WT1: variants seen among roughly 807,000 people sequenced by gnomAD.
WT1 encodes the protein WT1 transcription factor, also known as Wilms tumor protein.
Under a neutral mutation model 60.8 loss-of-function variants are expected in WT1, and 8 were observed. That is an observed-to-expected ratio of 0.13 (90% CI 0.08 to 0.24). WT1 has a LOEUF of 0.24. Ranked by LOEUF, WT1 falls within the 10% of genes least tolerant of loss-of-function variation. WT1 has a pLI of 1.00. For synonymous variants in WT1, 312 were observed against 297.1 expected (o/e 1.05, Z -0.52); for missense variants, 568 against 711.8 (o/e 0.80, Z 2.30).
chr11:32,412,096 T>A (rs1249989739), intron 5 of WT1, among the ~76,000 whole-genome samples: 1 of 152,098 alleles, frequency 6.6e-6, no homozygotes, highest in Non-Finnish European at 1.5e-5. Flanking sequence ...TACCTTATGT[T>A]CACGAGCCCG....
At chr11:32,391,879 A>T in intron 9 of WT1, 93 bp downstream of exon 9, 1 of 1,309,976 alleles carries the variant, frequency 7.6e-7, no homozygotes, top group Non-Finnish European at 1.1e-6. Flanking sequence ...TAGAACTTTT[A>T]CACTAGTCTT....
chr11:32,413,374 G>A (rs144367141), intron 5 of WT1, among the ~76,000 whole-genome samples: 2 of 152,262 alleles, frequency 1.3e-5, no homozygotes, highest in Non-Finnish European at 2.9e-5. Flanking sequence ...TTTCTCAAAT[G>A]TATTCTCCAT....
chr11:32,403,246 A>G (rs546655628), intron 5 of WT1, among the ~76,000 whole-genome samples: 2 of 152,312 alleles, frequency 1.3e-5, no homozygotes, highest in African/African-American at 2.4e-5. Context: ...GAAACCTGCA[A>G]TTCAACACTT....
chr11:32,389,306 T>C lies in WT1; in HGVS notation c.1448-127A>G, dbSNP rs920847321. ...ATTTCCCATCATTCTGTCCCTGAGC[T>C]AACCAACTGAGCTCATTTCCCAGGC... On this transcript the variant is annotated intron_variant, in intron 9 of 9. Coordinates refer to ENST00000452863, the MANE Select transcript of WT1 (RefSeq NM_024426.6). 6 of 1,506,510 alleles carry C rather than the reference T, an allele frequency of 4.0e-6. No homozygotes were observed. In the Admixed American group the frequency reaches 8.8e-5, roughly 22 times the overall value. 93.3% of individuals were successfully genotyped at this position (1,506,510 alleles called of 1,614,324 possible).
chr11:32,419,816 C>A (rs868236723), intron 3 of WT1, among the ~76,000 whole-genome samples: 1 of 152,256 alleles, frequency 6.6e-6, no homozygotes, highest in Non-Finnish European at 1.5e-5. Flanking sequence ...GCCTCAGCCA[C>A]CCAAGTAGCT....
At chr11:32,427,513 G>A (rs1853094542) in intron 3 of WT1, among the ~76,000 whole-genome samples, 1 of 152,210 alleles carries the variant, frequency 6.6e-6, no homozygotes, top group Non-Finnish European at 1.5e-5. Context: ...AACCCTGGAG[G>A]GTTGAGGTGG....
At position 32,413,695 on chromosome 11, in the gene WT1, T is replaced by C. The variant is rs191321510; in HGVS notation, c.1016+2795A>G. ...AGAGAAAAAGTCAGCATGCAGAGCA[T>C]GTCATAAGAGTATTGCTCAGTGAAA... On this transcript the variant is annotated intron_variant, in intron 5 of 9. Coordinates refer to ENST00000452863, the MANE Select transcript of WT1 (RefSeq NM_024426.6). Among the ~76,000 whole-genome samples, 3 of 152,366 alleles carry C rather than the reference T, an allele frequency of 2.0e-5. No homozygotes were observed. The East Asian group carries it at 5.8e-4, about 29-fold the overall frequency.
At chr11:32,417,262 G>A (rs1293736383) in intron 4 of WT1, among the ~76,000 whole-genome samples, 3 of 152,202 alleles carry the variant, frequency 2.0e-5, no homozygotes, top group Non-Finnish European at 2.9e-5. Flanking sequence ...GTTAACAACT[G>A]TGATATCATA....
At chr11:32,401,031 G>A (rs1028041259) in intron 5 of WT1, among the ~76,000 whole-genome samples, 7 of 152,184 alleles carry the variant, frequency 4.6e-5, no homozygotes, top group Non-Finnish European at 7.3e-5. Context: ...GAAAACAGAC[G>A]TCCACACAAA....
chr11:32,399,799 G>C (rs1009739609), intron 6 of WT1, 149 bp downstream of exon 6: 2 of 845,292 alleles, frequency 2.4e-6, no homozygotes, highest in Non-Finnish European at 3.8e-6. Context: ...CAGACCCAGG[G>C]GACGAGCAGG....
At chr11:32,400,375 C>T in intron 5 of WT1, 1 of 418,214 alleles carries the variant, frequency 2.4e-6, no homozygotes, top group South Asian at 2.1e-5. Flanking sequence ...GACGGCAGGG[C>T]TGACAGCTGC....
At chr11:32,430,647 C>A in intron 1 of WT1, 1 of 1,505,656 alleles carries the variant, frequency 6.6e-7, no homozygotes, top group South Asian at 1.3e-5. Context: ...GTCGCGGCAC[C>A]CACTCTCGAG....
At chr11:32,397,482 A>ATT (rs34861119) in intron 6 of WT1, among the ~76,000 whole-genome samples, 15,167 of 139,632 alleles carry the variant, frequency 0.11, 962 homozygotes, top group African/African-American at 0.18. Flanking sequence ...TGCCCAGCTA[A>ATT]TTTTTTTTTT....
chr11:32,394,178 C>A (rs777021817), intron 7 of WT1, among the ~76,000 whole-genome samples: 31 of 152,324 alleles, frequency 2.0e-4, no homozygotes, highest in Non-Finnish European at 3.7e-4. Context: ...CAGGTGTGAG[C>A]CACTGCACCT....
At chr11:32,394,668 G>A (rs1243553719) in intron 7 of WT1, among the ~76,000 whole-genome samples, 1 of 152,160 alleles carries the variant, frequency 6.6e-6, no homozygotes, top group African/African-American at 2.4e-5. Context: ...TAATATAACA[G>A]TCTGTACTGT....
At chr11:32,389,275 C>T (rs1262955574) in intron 9 of WT1, 96 bp from the exon 10 acceptor site, 1 of 1,598,648 alleles carries the variant, frequency 6.3e-7, no homozygotes, top group African/African-American at 1.3e-5. Flanking sequence ...AAGGCACCCA[C>T]TCTGAATTTC....
rs2132920278 is a variant in WT1 at position 32,392,700 on chromosome 11, T to C, written c.1320A>G (p.Ser440=). 3.1e-6 allele frequency: 5 copies of C among 1,614,142 alleles called. No homozygotes were observed. Among genetic ancestry groups the C allele is most frequent in the Non-Finnish European group, 4.2e-6 (5 of 1,179,966 alleles). The change falls in exon 8 of 10, where the codon TCA becomes TCG. Residue 440 remains serine (S), a synonymous_variant. Transcript: ENST00000452863. Reference sequence around the variant, plus strand: ...TCCTTTGGTGTCTTTTGAGCTGGTCTGAACGAGAAAACCTTCGTTCACAGT... The same window carrying C: ...TCCTTTGGTGTCTTTTGAGCTGGTCCGAACGAGAAAACCTTCGTTCACAGT...
chr11:32,429,388 A>G (rs945752743), intron 1 of WT1, among the ~76,000 whole-genome samples: 5 of 147,654 alleles, frequency 3.4e-5, no homozygotes, highest in Non-Finnish European at 7.4e-5. Flanking sequence ...TGTGCCTGAC[A>G]CTGTATCTCC....
At chr11:32,423,405 C>T (rs866366193) in intron 3 of WT1, among the ~76,000 whole-genome samples, 6 of 152,236 alleles carry the variant, frequency 3.9e-5, no homozygotes, top group African/African-American at 1.4e-4. Flanking sequence ...CAGGAGAATG[C>T]TCAAGCCTGC....
Sources: allele counts gnomAD v4.1 joint callset (sites outside exome capture counted in the v4.1 genomes callset), GRCh38; gene constraint gnomAD v4.1.1; transcripts MANE v1.5; gene names NCBI Gene and HGNC (gene_info 2026-07-23, HGNC 2026-07-21).